The following XKR4 variants were observed in gnomAD, a reference collection of about 807,000 sequenced individuals.
XKR4 encodes XK-related protein 4.
XKR4 carries 12 observed loss-of-function variants against 53.9 expected under a neutral mutation model. The ratio of observed to expected loss-of-function variants is 0.22; its 90% CI spans 0.14 to 0.36. The LOEUF (loss-of-function observed/expected upper bound fraction) is 0.36. XKR4 is among the 10% of genes least tolerant of loss of function. The probability of loss-of-function intolerance (pLI) is 1.00; values close to 1 mark genes in which losing one functional copy is unlikely to be tolerated. For missense variants in XKR4, 799 were observed against 859.5 expected (o/e 0.93, Z 0.88); for synonymous variants, 354 against 362.4 (o/e 0.98, Z 0.26).
At chr8:55,338,622 A>G (rs1271553633) in intron 1 of XKR4, among the ~76,000 whole-genome samples, 1 of 152,218 alleles carries the variant, frequency 6.6e-6, no homozygotes, top group Non-Finnish European at 1.5e-5. Flanking sequence ...ACTGCAACTC[A>G]ACAAGATGTG....
At chr8:55,466,014 T>G (rs1428833493) in intron 2 of XKR4, among the ~76,000 whole-genome samples, 2 of 152,084 alleles carry the variant, frequency 1.3e-5, no homozygotes, top group East Asian at 3.9e-4. Flanking sequence ...TGTGGAGAAA[T>G]AGGAACACTT....
At chr8:55,208,843 C>T (rs1270381363) in intron 1 of XKR4, among the ~76,000 whole-genome samples, 1 of 152,160 alleles carries the variant, frequency 6.6e-6, no homozygotes, top group Non-Finnish European at 1.5e-5. Flanking sequence ...CAAGCCTGGC[C>T]TGTGCTGATG....
intron 1 of XKR4, among the ~76,000 whole-genome samples, chr8:55,296,251 C>T (rs1459076227): frequency 2.0e-5 from 3 of 152,166 alleles, no homozygotes; most frequent in Admixed American, 6.5e-5. Context: ...AATGCTGTTG[C>T]ACGTATCACT....
At chr8:55,183,677 G>A (rs1360937598) in intron 1 of XKR4, among the ~76,000 whole-genome samples, 1 of 152,112 alleles carries the variant, frequency 6.6e-6, no homozygotes, top group East Asian at 1.9e-4. Flanking sequence ...AGGGTGAATG[G>A]TCCCAGTGCA....
intron 1 of XKR4, chr8:55,161,482 G>A (rs1469799140): frequency 2.2e-6 from 1 of 454,088 alleles, no homozygotes; most frequent in Non-Finnish European, 4.4e-6. Flanking sequence ...GGCAGTGATG[G>A]GTCCTTTATA....
chr8:55,500,902 TACAC>T (rs1330498703), intron 2 of XKR4, among the ~76,000 whole-genome samples: 1 of 152,234 alleles, frequency 6.6e-6, no homozygotes, highest in African/African-American at 2.4e-5. Flanking sequence ...TTTGCCATTA[TACAC>T]ACATGCCTAC....
Position 55,316,193 on chromosome 8 carries a change from G to A in XKR4, c.807-41485G>A, listed in dbSNP as rs573832332. Reference sequence around the variant, plus strand: ...TAATAATTTACAGTCTCTAAAGCACGTTCACAGCCATTTTATCTTATTTTG... The same window carrying A: ...TAATAATTTACAGTCTCTAAAGCACATTCACAGCCATTTTATCTTATTTTG... On this transcript the variant is annotated intron_variant, in intron 1 of 2. Transcript: ENST00000327381. 1.2e-4 allele frequency among the ~76,000 whole-genome samples: 18 copies of A among 152,280 alleles called. No individual in the cohort carries two copies. The South Asian group carries it at 2.9e-3, about 25-fold the overall frequency.
At chr8:55,226,814 C>A (rs1206138062) in intron 1 of XKR4, among the ~76,000 whole-genome samples, 1 of 152,200 alleles carries the variant, frequency 6.6e-6, no homozygotes, top group Non-Finnish European at 1.5e-5. Flanking sequence ...CCACTGACAG[C>A]AGAGTATCTT....
At chr8:55,266,616 G>A (rs1249521045) in intron 1 of XKR4, among the ~76,000 whole-genome samples, 1 of 152,140 alleles carries the variant, frequency 6.6e-6, no homozygotes, top group African/African-American at 2.4e-5. Context: ...TGGAGAGGGA[G>A]GGAAAAGCAA....
chr8:55,184,335 T>G (rs773613127), intron 1 of XKR4, among the ~76,000 whole-genome samples: 1 of 152,180 alleles, frequency 6.6e-6, no homozygotes, highest in Admixed American at 6.5e-5. Context: ...ACTTTCAACA[T>G]CTCTAAGCTG....
chr8:55,170,832 C>T (rs1008934201), intron 1 of XKR4, among the ~76,000 whole-genome samples: 6 of 152,118 alleles, frequency 3.9e-5, no homozygotes, highest in Admixed American at 6.5e-5. Flanking sequence ...TTTCCGGACA[C>T]GGGCGGGAGC....
At chr8:55,235,766 C>T (rs1053600769) in intron 1 of XKR4, among the ~76,000 whole-genome samples, 2 of 152,118 alleles carry the variant, frequency 1.3e-5, no homozygotes, top group Admixed American at 1.3e-4. Context: ...AAACCAGTGC[C>T]CAGCCTGATC....
intron 2 of XKR4, among the ~76,000 whole-genome samples, chr8:55,419,912 T>C (rs1804899811): frequency 1.3e-5 from 2 of 152,258 alleles, no homozygotes; most frequent in African/African-American, 2.4e-5. Flanking sequence ...TGTATCCAAC[T>C]CTTAAACAAC....
chr8:55,178,074 G>T (rs1046744042), intron 1 of XKR4, among the ~76,000 whole-genome samples: 6 of 152,184 alleles, frequency 3.9e-5, no homozygotes, highest in Non-Finnish European at 7.4e-5. Flanking sequence ...AGCAATTTCT[G>T]CATTGCCCTC....
intron 1 of XKR4, among the ~76,000 whole-genome samples, chr8:55,197,189 G>A (rs1196034003): frequency 6.6e-6 from 1 of 152,154 alleles, no homozygotes; most frequent in Non-Finnish European, 1.5e-5. Flanking sequence ...AACAACTCTT[G>A]ATGATTCAGC....
chr8:55,274,811 G>A (rs918792838), intron 1 of XKR4, among the ~76,000 whole-genome samples: 4 of 152,128 alleles, frequency 2.6e-5, no homozygotes, highest in Non-Finnish European at 4.4e-5. Flanking sequence ...CAGAGGCCCT[G>A]TCTCCAAATA....
intron 2 of XKR4, among the ~76,000 whole-genome samples, chr8:55,391,848 C>G (rs1171300277): frequency 6.6e-6 from 1 of 152,064 alleles, no homozygotes; most frequent in Non-Finnish European, 1.5e-5. Context: ...TTTGGCTATA[C>G]TAACTTAGTG....
chr8:55,176,877 C>T (rs1043915521), intron 1 of XKR4, among the ~76,000 whole-genome samples: 1 of 152,022 alleles, frequency 6.6e-6, no homozygotes, highest in East Asian at 1.9e-4. Context: ...GTGGCTCATT[C>T]GCTTTTACAC....
intron 1 of XKR4, among the ~76,000 whole-genome samples, chr8:55,344,135 A>C (rs1347872515): frequency 1.3e-5 from 2 of 149,936 alleles, no homozygotes; most frequent in African/African-American, 4.9e-5. Flanking sequence ...TTATACCCCC[A>C]CTCTCTCTCT....
Sources: gnomAD v4.1 joint callset for allele counts (sites outside exome capture counted in the v4.1 genomes callset) on GRCh38, gnomAD v4.1.1 for gene constraint, MANE v1.5 for transcripts, NCBI Gene and HGNC (gene_info 2026-07-23, HGNC 2026-07-21) for gene names.